The following CACUL1 variants were observed in gnomAD, a reference collection of about 807,000 sequenced individuals.
The protein encoded by CACUL1 is CDK2 associated cullin domain 1, also known as CDK2-associated and cullin domain-containing protein 1.
CACUL1 carries 13 observed loss-of-function variants against 45.2 expected under a neutral mutation model. The observed-to-expected ratio is 0.29, with a 90% confidence interval of 0.19 to 0.46. The LOEUF (loss-of-function observed/expected upper bound fraction) is 0.46, where lower values mean the gene tolerates loss of function less well. CACUL1 is among the 20% of genes least tolerant of loss of function. The pLI, the probability that CACUL1 is intolerant of heterozygous loss-of-function variation, is 1.00. For synonymous variants in CACUL1, 197 were observed against 174.2 expected (o/e 1.13, Z -1.03); for missense variants, 421 against 471.4 (o/e 0.89, Z 0.99).
intron 1 of CACUL1, among the ~76,000 whole-genome samples, chr10:118,730,988 T>A (rs1261831051): frequency 1.2e-4 from 19 of 152,276 alleles, no homozygotes; most frequent in African/African-American, 4.6e-4. Flanking sequence ...GCTGCTACTA[T>A]CTTAAACTGG....
intron 7 of CACUL1, among the ~76,000 whole-genome samples, chr10:118,688,353 T>G (rs1845228602): frequency 6.6e-6 from 1 of 152,252 alleles, no homozygotes. Flanking sequence ...ATTCACCAAA[T>G]ATTCTGAAAC....
At chr10:118,721,537 CA>C (rs1845600271) in intron 3 of CACUL1, among the ~76,000 whole-genome samples, 1 of 152,070 alleles carries the variant, frequency 6.6e-6, no homozygotes, top group African/African-American at 2.4e-5. Flanking sequence ...ACTGTAAATT[CA>C]GCCTTATTTG....
intron 4 of CACUL1, among the ~76,000 whole-genome samples, chr10:118,703,640 A>C (rs1845406015): frequency 6.6e-6 from 1 of 152,214 alleles, no homozygotes; most frequent in East Asian, 1.9e-4. Context: ...CAATAATGCG[A>C]AATAGTCTTC....
rs751577828 is a variant in CACUL1, at chr10:118,695,206, G to A, written c.821C>T (p.Thr274Ile). 146 of 1,605,720 alleles carry A rather than the reference G, an allele frequency of 9.1e-5. No individual in the cohort carries two copies. The highest frequency in any genetic ancestry group is 1.2e-4 in the Non-Finnish European group (138 of 1,172,576). ...AGTTGAAGGTGTGACCTGAAATGGT[G>A]TTGACTGGGCTTCTAAAAGTAAAGC... ...LMPLLLEAQS[T>I]PFQVTPSTMA... Residue 274 changes from threonine (T) to isoleucine (I), a missense_variant, in exon 6 of 9, where the codon ACA (threonine) becomes ATA (isoleucine). Transcript: ENST00000369151.
At chr10:118,716,379 G>A (rs756136451) in intron 3 of CACUL1, among the ~76,000 whole-genome samples, 2 of 146,666 alleles carry the variant, frequency 1.4e-5, no homozygotes, top group Admixed American at 6.9e-5. Flanking sequence ...TGATTTTATC[G>A]CCCAACTATA....
intron 7 of CACUL1, 106 bp from the exon 8 acceptor site, chr10:118,686,747 C>A (rs1417014716): frequency 2.5e-6 from 2 of 807,540 alleles, no homozygotes; most frequent in South Asian, 1.5e-5. Context: ...CAGTTCTAAC[C>A]AAACCTATTT....
chr10:118,731,773 G>A (rs904707864), intron 1 of CACUL1, among the ~76,000 whole-genome samples: 4 of 152,070 alleles, frequency 2.6e-5, no homozygotes, highest in African/African-American at 7.2e-5. Flanking sequence ...CTATGGTGGG[G>A]GATACACCAC....
chr10:118,735,471 G>C (rs1333540933), intron 1 of CACUL1, among the ~76,000 whole-genome samples: 1 of 152,186 alleles, frequency 6.6e-6, no homozygotes, highest in Admixed American at 6.5e-5. Context: ...CAGACCTGCT[G>C]AATCAGAAAT....
At chr10:118,750,155 ATC>A (rs1371716972) in intron 1 of CACUL1, among the ~76,000 whole-genome samples, 2 of 152,110 alleles carry the variant, frequency 1.3e-5, no homozygotes, top group Non-Finnish European at 2.9e-5. Context: ...GGTGAAACAC[ATC>A]TCTACTAAAA....
chr10:118,730,132 CA>C (rs1217992859), intron 2 of CACUL1, 151 bp downstream of exon 2: 2 of 861,306 alleles, frequency 2.3e-6, no homozygotes, highest in Non-Finnish European at 3.5e-6. Context: ...AAGTATAAAC[CA>C]AACCCTCCAA....
rs1478981857 is a variant in CACUL1 at position 118,679,144 on chromosome 10, C to T, written c.*6984G>A. 2 of 152,206 alleles carry T rather than the reference C, an allele frequency of 1.3e-5. No homozygotes were observed. Among genetic ancestry groups the T allele is most frequent in the African/African-American group, 4.8e-5 (2 of 41,428 alleles). The allele number at this position is 152,206 out of a possible 1,614,324, so 9.4% of individuals were successfully genotyped here. On this transcript the variant is annotated 3_prime_UTR_variant, in exon 9 of 9. Coordinates refer to ENST00000369151, the MANE Select transcript of CACUL1 (RefSeq NM_153810.5). ...AAACTCCTGGGCTCAAGCAATCCTCCTGCCTCACACCTTAGCCTCCAAATA... is the reference window on the plus strand; with the variant it reads ...AAACTCCTGGGCTCAAGCAATCCTCTTGCCTCACACCTTAGCCTCCAAATA...
chr10:118,745,712 T>C (rs1282607707), intron 1 of CACUL1, among the ~76,000 whole-genome samples: 2 of 152,108 alleles, frequency 1.3e-5, no homozygotes, highest in African/African-American at 2.4e-5. Flanking sequence ...GACTGGATTT[T>C]AAAAAAGATC....
At position 118,743,557 on chromosome 10, in the gene CACUL1, T is replaced by G. The variant is rs551493910; in HGVS notation, c.367+10839A>C. Among the ~76,000 whole-genome samples, 749 of 151,996 alleles carry G rather than the reference T, an allele frequency of 4.9e-3. 3 individuals are homozygous for G. The highest frequency in any genetic ancestry group is 7.9e-3 in the Non-Finnish European group (535 of 67,904). ...CAGCCTGGCCAACATGGTGAAACCCTGTCGCTACTAAAAATACAAAAATTA... is the reference window on the plus strand; with the variant it reads ...CAGCCTGGCCAACATGGTGAAACCCGGTCGCTACTAAAAATACAAAAATTA... On this transcript the variant is annotated intron_variant, in intron 1 of 8. Transcript: ENST00000369151.
rs1216748550 is a variant in CACUL1, at chr10:118,695,122, A to G, written c.886+19T>C. Reference sequence around the variant, plus strand: ...TGTAACAAACAGTTCCAATCCCAACAGAAATGAGAAATGTTTACCTGGTCT... The same window carrying G: ...TGTAACAAACAGTTCCAATCCCAACGGAAATGAGAAATGTTTACCTGGTCT... On this transcript the variant is annotated intron_variant, in intron 6 of 8. Coordinates refer to ENST00000369151, the MANE Select transcript of CACUL1 (RefSeq NM_153810.5). 1.2e-5 allele frequency: 17 copies of G among 1,426,924 alleles called. No homozygotes were observed. The highest frequency in any genetic ancestry group is 1.7e-5 in the Non-Finnish European group (17 of 1,009,702). The allele number at this position is 1,426,924 out of a possible 1,614,324, so 88.4% of individuals were successfully genotyped here.
In CACUL1 at chr10:118,754,637, G is replaced by A. The variant is rs1253058115; in HGVS notation, c.126C>T (p.Pro42=). 4.4e-6 allele frequency: 7 copies of A among 1,605,920 alleles called. No individual in the cohort carries two copies. The South Asian group carries it at 6.6e-5, about 15-fold the overall frequency. ...FRQPLPPPPP[P]SSIPAPAREP... Reference sequence around the variant, plus strand: ...CTCGGGCAGGGGCCGGGATCGACGAGGGGGGCGGCGGAGGTGGCAGGGGCT... The same window carrying A: ...CTCGGGCAGGGGCCGGGATCGACGAAGGGGGCGGCGGAGGTGGCAGGGGCT... The change falls in exon 1 of 9, where the codon CCC becomes CCT. Residue 42 remains proline (P), a synonymous_variant. Transcript: ENST00000369151.
intron 1 of CACUL1, among the ~76,000 whole-genome samples, chr10:118,731,750 G>A (rs2119644383): frequency 6.6e-6 from 1 of 152,268 alleles, no homozygotes; most frequent in African/African-American, 2.4e-5. Context: ...GCAATTAACT[G>A]TTTTGCATGA....
intron 7 of CACUL1, among the ~76,000 whole-genome samples, chr10:118,689,599 A>ATGTT (rs927151075): frequency 1.3e-5 from 2 of 152,300 alleles, no homozygotes; most frequent in African/African-American, 4.8e-5. Flanking sequence ...GAATAGTGCC[A>ATGTT]TGTTTGTCCT....
intron 4 of CACUL1, among the ~76,000 whole-genome samples, chr10:118,703,595 T>G (rs1564830971): frequency 1.3e-5 from 2 of 152,196 alleles, no homozygotes; most frequent in African/African-American, 2.4e-5. Context: ...AGAGATACAA[T>G]TCTTGAGTCA....
At position 118,681,569 on chromosome 10, in the gene CACUL1, T is replaced by G. The variant is rs1775098572; in HGVS notation, c.*4559A>C. The G allele has an allele frequency of 6.6e-6, 1 of 152,134 alleles. No individual in the cohort carries two copies. Among genetic ancestry groups the G allele is most frequent in the Non-Finnish European group, 1.5e-5 (1 of 68,022 alleles). 9.4% of individuals were successfully genotyped at this position (152,134 alleles called of 1,614,324 possible). A position where few individuals can be genotyped will look rare whatever the true frequency, so the allele number is the denominator to read the frequency against. On this transcript the variant is annotated 3_prime_UTR_variant, in exon 9 of 9. Coordinates refer to ENST00000369151, the MANE Select transcript of CACUL1 (RefSeq NM_153810.5). ...AATTCTTAACCCCAGAGCCACACAATAAAGTTCTCAGAATTGTAAGCCATT... is the reference window on the plus strand; with the variant it reads ...AATTCTTAACCCCAGAGCCACACAAGAAAGTTCTCAGAATTGTAAGCCATT...
Sources: gnomAD v4.1 joint callset for allele counts (sites outside exome capture counted in the v4.1 genomes callset) on GRCh38, gnomAD v4.1.1 for gene constraint, MANE v1.5 for transcripts, NCBI Gene and HGNC (gene_info 2026-07-23, HGNC 2026-07-21) for gene names.